Variants in RAB11FIP1 observed in about 807,000 individuals in gnomAD.
RAB11FIP1 encodes rab11 family-interacting protein 1.
In RAB11FIP1, 49 loss-of-function variants were observed where a neutral mutation model predicts 83.1. The observed-to-expected ratio is 0.59, with a 90% CI of 0.47 to 0.75. The LOEUF (loss-of-function observed/expected upper bound fraction) is 0.75. RAB11FIP1 is among the 30% of genes least tolerant of loss of function. The pLI, the probability that RAB11FIP1 is intolerant of heterozygous loss-of-function variation, is 0.00. For synonymous variants in RAB11FIP1, 670 were observed against 656.0 expected (o/e 1.02, Z -0.33); for missense variants, 1,536 against 1,598.7 (o/e 0.96, Z 0.67).
At position 37,885,905 on chromosome 8, in the gene RAB11FIP1, G is replaced by A. The variant is rs143561147; in HGVS notation, c.372-8354C>T. ...AGCTGATCCCAGGGGTCCTTCTGTC[G>A]GAATGTGGCAGGGTCAGGGCAGCAT... On this transcript the variant is annotated intron_variant, in intron 1 of 5. Coordinates refer to ENST00000330843, the MANE Select transcript of RAB11FIP1 (RefSeq NM_001002814.3). Among the ~76,000 whole-genome samples the A allele has an allele frequency of 3.5e-3, 534 of 152,284 alleles. 3 individuals are homozygous for A. Among genetic ancestry groups the A allele is most frequent in the African/African-American group, 0.012 (516 of 41,558 alleles).
chr8:37,865,976 G>C (rs4246826), intron 5 of RAB11FIP1, among the ~76,000 whole-genome samples: 116,168 of 152,104 alleles, frequency 0.76, 44,805 homozygotes, highest in East Asian at 0.97. Flanking sequence ...TTCTGTAATT[G>C]AAAGGGAAAA....
chr8:37,898,809 G>A (rs535129162), intron 1 of RAB11FIP1, among the ~76,000 whole-genome samples: 53 of 142,716 alleles, frequency 3.7e-4, no homozygotes, highest in South Asian at 4.9e-4. Flanking sequence ...CCGGGCGACA[G>A]AGACTCTGTC....
rs949164705 is a variant in RAB11FIP1 at position 37,862,751 on chromosome 8, T to C, written c.*144A>G. 6 of 641,088 alleles carry C rather than the reference T, an allele frequency of 9.4e-6. No homozygotes were observed. Among genetic ancestry groups the C allele is most frequent in the African/African-American group, 7.3e-5 (4 of 54,990 alleles). The allele number at this position is 641,088 out of a possible 1,614,324, so 39.7% of individuals were successfully genotyped here. On this transcript the variant is annotated 3_prime_UTR_variant, in exon 6 of 6. Coordinates refer to ENST00000330843, the MANE Select transcript of RAB11FIP1 (RefSeq NM_001002814.3). ...TAATCATTAACCTGGCTTCCATTGGTAGAATTCACTCTTGCCGGATAACAT... is the reference window on the plus strand; with the variant it reads ...TAATCATTAACCTGGCTTCCATTGGCAGAATTCACTCTTGCCGGATAACAT...
Position 37,896,451 on chromosome 8 carries a change from C to T in RAB11FIP1, c.371+2620G>A, listed in dbSNP as rs531712311. Among the ~76,000 whole-genome samples the T allele has an allele frequency of 4.6e-5, 7 of 152,126 alleles. No homozygotes were observed. In the East Asian group the frequency reaches 1.2e-3, roughly 25 times the overall value. ...AGATGGAAAGTGGAAATTTCATCTA[C>T]CCATAGAGATGCAAAGAAGCCTTCC... On this transcript the variant is annotated intron_variant, in intron 1 of 5. Transcript: ENST00000330843.
intron 1 of RAB11FIP1, 111 bp downstream of exon 1, chr8:37,898,960 G>T: frequency 8.7e-7 from 1 of 1,152,748 alleles, no homozygotes; most frequent in Non-Finnish European, 1.1e-6. Context: ...CGTCCCGAAA[G>T]GCCTTCCCCG....
rs767552511 is a variant in RAB11FIP1 at position 37,871,455 on chromosome 8, GA to G, written c.3346del (p.Ser1116LeufsTer64). The G allele has an allele frequency of 3.1e-6, 5 of 1,614,154 alleles. No homozygotes were observed. In the Admixed American group the frequency reaches 8.3e-5, roughly 27 times the overall value. On this transcript the variant is annotated frameshift_variant, in exon 4 of 6. Coordinates refer to ENST00000330843, the MANE Select transcript of RAB11FIP1 (RefSeq NM_001002814.3). LOFTEE classifies it high-confidence loss of function. ...VTHSFPSSAH[S>X]DTHHTSTAES... ...TGCTGTGCTGGTGTGGTGAGTGTCA[GA>G]ATGTGCAGAGCTGGGGAAAGAGTGT...
At chr8:37,889,214 G>T (rs915879696) in intron 1 of RAB11FIP1, among the ~76,000 whole-genome samples, 1 of 152,154 alleles carries the variant, frequency 6.6e-6, no homozygotes, top group Non-Finnish European at 1.5e-5. Flanking sequence ...AATAGGCCAA[G>T]ATGGCATAAT....
At position 37,872,191 on chromosome 8, in the gene RAB11FIP1, C is replaced by T. The variant is rs761759773; in HGVS notation, c.2611G>A (p.Gly871Arg). Residue 871 changes from glycine (G) to arginine (R), a missense_variant, in exon 4 of 6, where the codon GGG becomes AGG. Transcript: ENST00000330843. ...GCTGGCGCACCACACGTCGCTGGCC[C>T]AGGTGTGGTCACCGATTCCCTTTCT... ...DSERESVTTP[G>R]PATCGAPASP... is the part of the protein sequence containing the mutation. 3.1e-6 allele frequency: 5 copies of T among 1,614,066 alleles called. No individual in the cohort carries two copies. Among genetic ancestry groups the T allele is most frequent in the Non-Finnish European group, 4.2e-6 (5 of 1,179,996 alleles).
chr8:37,885,515 GTT>G (rs992445096), intron 1 of RAB11FIP1, among the ~76,000 whole-genome samples: 2 of 152,102 alleles, frequency 1.3e-5, no homozygotes, highest in African/African-American at 4.8e-5. Flanking sequence ...CTACCCTGCA[GTT>G]TTTGTTTTTG....
intron 1 of RAB11FIP1, among the ~76,000 whole-genome samples, chr8:37,895,954 A>G (rs1305401090): frequency 2.0e-5 from 3 of 152,110 alleles, no homozygotes; most frequent in Non-Finnish European, 4.4e-5. Flanking sequence ...TCTGAAATGG[A>G]GTCAAACCAT....
At chr8:37,870,363 T>C (rs751533679) in intron 5 of RAB11FIP1, 57 bp downstream of exon 5, 5 of 1,013,132 alleles carry the variant, frequency 4.9e-6, no homozygotes, top group Admixed American at 1.8e-5. Flanking sequence ...ATGGTGACTA[T>C]GGAAACGGGT....
In RAB11FIP1 at chr8:37,887,227, A is replaced by C. The variant is rs111325971; in HGVS notation, c.372-9676T>G. ...AGGCTGTTTGTAGCCACCAAACTGA[A>C]TTCTAAGAACTGGTAAATGACAGCC... On this transcript the variant is annotated intron_variant, in intron 1 of 5. Coordinates refer to ENST00000330843, the MANE Select transcript of RAB11FIP1 (RefSeq NM_001002814.3). Among the ~76,000 whole-genome samples, 851 of 152,252 alleles carry C rather than the reference A, an allele frequency of 5.6e-3. 3 individuals are homozygous for C. The highest frequency in any genetic ancestry group is 0.02 in the African/African-American group (819 of 41,542).
chr8:37,889,620 A>C (rs72641990), intron 1 of RAB11FIP1, among the ~76,000 whole-genome samples: 10,661 of 152,254 alleles, frequency 0.07, 504 homozygotes, highest in Non-Finnish European at 0.11. Context: ...TAACCAGGAC[A>C]AAAGAAAACA....
In RAB11FIP1 at chr8:37,858,894, C is replaced by G. The variant is rs1806178623; in HGVS notation, c.*4001G>C. ...CCCCACCCCCACCAAGAGAGGTTTT[C>G]CAGGAAGACAAAATAAATTTTTATT... is the stretch of plus-strand genomic sequence containing the variant. On this transcript the variant is annotated 3_prime_UTR_variant, in exon 6 of 6. Coordinates refer to ENST00000330843, the MANE Select transcript of RAB11FIP1 (RefSeq NM_001002814.3). 1 of 151,528 alleles carries G rather than the reference C, an allele frequency of 6.6e-6. No homozygotes were observed. The highest frequency in any genetic ancestry group is 1.5e-5 in the Non-Finnish European group (1 of 67,920). 9.4% of individuals were successfully genotyped at this position (151,528 alleles called of 1,614,324 possible). A position where few individuals can be genotyped will look rare whatever the true frequency, so the allele number is the denominator to read the frequency against.
chr8:37,874,976 C>G lies in RAB11FIP1; in HGVS notation c.1161G>C (p.Lys387Asn), dbSNP rs763408992. The G allele has an allele frequency of 1.2e-6, 2 of 1,614,072 alleles. No individual in the cohort carries two copies. Among genetic ancestry groups the G allele is most frequent in the Non-Finnish European group, 1.7e-6 (2 of 1,179,996 alleles). Residue 387 changes from lysine to asparagine, a missense_variant, in exon 3 of 6, where the codon AAG becomes AAC. Coordinates refer to ENST00000330843, the MANE Select transcript of RAB11FIP1 (RefSeq NM_001002814.3). ...SDRQLSESSTKDSLKSMTLPS... is the reference protein window; with the variant it reads ...SDRQLSESSTNDSLKSMTLPS... The stretch of plus-strand genomic sequence containing the variant: ...GCAGGGTCATAGACTTCAAGGAGTC[C>G]TTGGTGGAAGATTCGGAGAGCTGCC...
Position 37,871,900 on chromosome 8 carries a change from C to T in RAB11FIP1, c.2902G>A (p.Asp968Asn). ...TCAACCTGATCTATTCTTTCATCAT[C>T]CGATGCGACTTCAGGAATGGAAGGA... Reference protein sequence around the residue: ...SLPSIPEVASDDERIDQVEDD... With the variant: ...SLPSIPEVASNDERIDQVEDD... The change falls in exon 4 of 6, where the codon GAT becomes AAT. Residue 968 changes from aspartate to asparagine, a missense_variant. Physicochemically the swap from Asp to Asn is conservative, Grantham distance 23. Transcript: ENST00000330843. 1 of 1,614,218 alleles carries T rather than the reference C, an allele frequency of 6.2e-7. No individual in the cohort carries two copies. The highest frequency in any genetic ancestry group is 8.5e-7 in the Non-Finnish European group (1 of 1,180,040).
chr8:37,871,829 C>T lies in RAB11FIP1; in HGVS notation c.2973G>A (p.Ser991=), dbSNP rs200142586. 6.3e-5 allele frequency: 102 copies of T among 1,614,164 alleles called. No individual in the cohort carries two copies. In the East Asian group the frequency reaches 1.0e-3, roughly 17 times the overall value. Residue 991 remains serine (S), a synonymous_variant, in exon 4 of 6, where the codon TCG becomes TCA. Transcript: ENST00000330843. ...QVEDDGETAK[S]STLDIGALSL... is the part of the protein sequence containing the mutation. ...ACAAAGCTCCTATGTCCAGAGTTGA[C>T]GACTTTGCTGTCTCTCCATCATCTT...
At position 37,874,720 on chromosome 8, in the gene RAB11FIP1, C is replaced by T; in HGVS notation, c.1417G>A (p.Gly473Arg). The change falls in exon 3 of 6, where the codon GGG (glycine) becomes AGG (arginine). Residue 473 changes from glycine (G) to arginine (R), a missense_variant. Coordinates refer to ENST00000330843, the MANE Select transcript of RAB11FIP1 (RefSeq NM_001002814.3). ...KEGMLMGVKP[G>R]EDASGPAEDL... ...TCAGCAGGCCCCGATGCGTCCTCCC[C>T]CGGCTTAACCCCCATCAGCATGCCT... 1 of 1,614,198 alleles carries T rather than the reference C, an allele frequency of 6.2e-7. No homozygotes were observed. The highest frequency in any genetic ancestry group is 8.5e-7 in the Non-Finnish European group (1 of 1,180,044).
chr8:37,874,437 A>C, intron 3 of RAB11FIP1, 78 bp downstream of exon 3: 1 of 1,143,008 alleles, frequency 8.7e-7, no homozygotes. Context: ...TGGGACCCAC[A>C]AGAGCTGGTC....
Sources: allele counts gnomAD v4.1 joint callset (sites outside exome capture counted in the v4.1 genomes callset), GRCh38; gene constraint gnomAD v4.1.1; transcripts MANE v1.5; gene names NCBI Gene and HGNC (gene_info 2026-07-23, HGNC 2026-07-21).